The following CREBRF variants were observed in gnomAD, a reference collection of about 807,000 sequenced individuals.
CREBRF encodes the protein CREB3 regulatory factor.
A neutral mutation model predicts 66.1 loss-of-function variants in CREBRF; 5 were observed. That is an observed-to-expected ratio of 0.08 (90% CI 0.04 to 0.16). The LOEUF is 0.16. CREBRF is among the 10% of genes least tolerant of loss of function. The pLI, the probability that CREBRF is intolerant of heterozygous loss-of-function variation, is 1.00. For missense variants in CREBRF, 531 were observed against 744.9 expected (o/e 0.71, Z 3.34); for synonymous variants, 229 against 264.4 (o/e 0.87, Z 1.30).
intron 2 of CREBRF, among the ~76,000 whole-genome samples, chr5:173,081,926 C>T (rs192907798): frequency 1.3e-5 from 2 of 151,494 alleles, no homozygotes; most frequent in African/African-American, 4.8e-5. Flanking sequence ...AAAAGAACAG[C>T]TGCCTACCGC....
intron 1 of CREBRF, among the ~76,000 whole-genome samples, chr5:173,077,879 G>A (rs775289682): frequency 1.8e-4 from 27 of 152,044 alleles, no homozygotes; most frequent in Non-Finnish European, 3.4e-4. Flanking sequence ...GTTCATTCTT[G>A]TTGTAGTGTG....
intron 4 of CREBRF, among the ~76,000 whole-genome samples, chr5:173,095,275 G>A (rs1455027529): frequency 7.3e-6 from 1 of 136,818 alleles, no homozygotes; most frequent in African/African-American, 2.7e-5. Flanking sequence ...TGCAAGCTCC[G>A]CCTCCCAGGT....
intron 4 of CREBRF, among the ~76,000 whole-genome samples, chr5:173,098,089 A>G (rs954030149): frequency 6.6e-5 from 10 of 151,322 alleles, no homozygotes; most frequent in Admixed American, 1.3e-4. Flanking sequence ...TGTTTGTCTC[A>G]ACATATTTTT....
At chr5:173,118,092 T>C (rs1367095816) in intron 7 of CREBRF, among the ~76,000 whole-genome samples, 1 of 152,198 alleles carries the variant, frequency 6.6e-6, no homozygotes, top group Admixed American at 6.5e-5. Context: ...GCCAGGATGG[T>C]CTCGATCTCC....
At chr5:173,117,194 C>CA (rs1204750197) in intron 7 of CREBRF, among the ~76,000 whole-genome samples, 1 of 151,976 alleles carries the variant, frequency 6.6e-6, no homozygotes, top group East Asian at 1.9e-4. Context: ...GCCTGGCCAA[C>CA]ATAGTGAAAT....
chr5:173,133,122 C>T (rs1042371039), intron 8 of CREBRF, among the ~76,000 whole-genome samples: 8 of 152,122 alleles, frequency 5.3e-5, no homozygotes, highest in Non-Finnish European at 7.4e-5. Context: ...ATTTCTTATT[C>T]GTTCATTCAC....
intron 1 of CREBRF, among the ~76,000 whole-genome samples, chr5:173,080,029 A>G (rs1477490663): frequency 3.3e-5 from 5 of 152,218 alleles, no homozygotes; most frequent in African/African-American, 1.2e-4. Flanking sequence ...TCTTTCTTCA[A>G]TGAGAGCTTA....
At chr5:173,082,003 G>GT (rs869148787) in intron 2 of CREBRF, among the ~76,000 whole-genome samples, 2,494 of 78,068 alleles carry the variant, frequency 0.032, 416 homozygotes, top group Middle Eastern at 0.053. Flanking sequence ...TCAAGGTTTA[G>GT]TTTTTTTTTT....
chr5:173,091,484 G>T (rs1758339900), intron 4 of CREBRF, 83 bp downstream of exon 4: 5 of 1,521,490 alleles, frequency 3.3e-6, no homozygotes, highest in South Asian at 1.3e-5. Flanking sequence ...TGTTTTGTTT[G>T]GATAATTTCT....
chr5:173,120,363 T>C (rs10476060), intron 7 of CREBRF, among the ~76,000 whole-genome samples: 9,477 of 151,666 alleles, frequency 0.062, 361 homozygotes, highest in Middle Eastern at 0.17. Context: ...CTTGTATGGA[T>C]TTTCTTTTTC....
In CREBRF at chr5:173,083,381, A is replaced by G. The variant is rs184356741; in HGVS notation, c.9+2597A>G. 6.6e-5 allele frequency among the ~76,000 whole-genome samples: 10 copies of G among 152,338 alleles called. No individual in the cohort carries two copies. The East Asian group carries it at 1.9e-3, about 29-fold the overall frequency. The stretch of plus-strand genomic sequence containing the variant: ...AGATGTTAAAATGTAAAAAGAAGAT[A>G]GAGAAAAAACAAGAAGGAGAATTAA... On this transcript the variant is annotated intron_variant, in intron 2 of 8. Coordinates refer to ENST00000296953, the MANE Select transcript of CREBRF (RefSeq NM_153607.3).
intron 4 of CREBRF, chr5:173,092,380 GAAAA>G: frequency 1.0e-6 from 1 of 985,382 alleles, no homozygotes; most frequent in Non-Finnish European, 1.2e-6. Flanking sequence ...AAGGGACAAA[GAAAA>G]TGAAATCTCT....
chr5:173,075,340 C>T (rs551837975), intron 1 of CREBRF, among the ~76,000 whole-genome samples: 11 of 152,194 alleles, frequency 7.2e-5, no homozygotes, highest in Non-Finnish European at 1.3e-4. Context: ...AAAGGGAGAA[C>T]TTGAGCCCCA....
At chr5:173,102,637 C>T (rs1390332221) in intron 4 of CREBRF, among the ~76,000 whole-genome samples, 2 of 152,076 alleles carry the variant, frequency 1.3e-5, no homozygotes, top group Non-Finnish European at 2.9e-5. Context: ...TCTGAATCCA[C>T]GAGAACTTAC....
In CREBRF at chr5:173,133,723, G is replaced by T. The variant is rs1259376252; in HGVS notation, c.1898G>T (p.Arg633Met). 1.2e-6 allele frequency: 2 copies of T among 1,601,408 alleles called. No homozygotes were observed. Among genetic ancestry groups the T allele is most frequent in the Admixed American group, 3.3e-5 (2 of 59,704 alleles). ...CCCACTGGAGGCCTTGTAGGATTAAGGATACCAACATCAAAGGTGTAATCA... is the reference window on the plus strand; with the variant it reads ...CCCACTGGAGGCCTTGTAGGATTAATGATACCAACATCAAAGGTGTAATCA... ...GNPTGGLVGL[R>M]IPTSKV The change falls in exon 9 of 9, where the codon AGG becomes ATG. Residue 633 changes from arginine (R) to methionine (M), a missense_variant. Transcript: ENST00000296953.
intron 1 of CREBRF, among the ~76,000 whole-genome samples, chr5:173,062,639 T>A (rs1242572209): frequency 6.6e-6 from 1 of 152,200 alleles, no homozygotes; most frequent in Non-Finnish European, 1.5e-5. Context: ...TCTTTGGATT[T>A]GTCCTATTTG....
At position 173,056,456 on chromosome 5, in the gene CREBRF, C is replaced by A. The variant is rs1416340465; in HGVS notation, c.-215C>A. Reference sequence around the variant, plus strand: ...CCCTGCAGCGGAACCGGACCCAGTCCCTGAGCCGCCCCTACACCCACAGGT... The same window carrying A: ...CCCTGCAGCGGAACCGGACCCAGTCACTGAGCCGCCCCTACACCCACAGGT... On this transcript the variant is annotated 5_prime_UTR_variant, in exon 1 of 9. Transcript: ENST00000296953. 6 of 398,376 alleles carry A rather than the reference C, an allele frequency of 1.5e-5. No individual in the cohort carries two copies. Among genetic ancestry groups the A allele is most frequent in the Non-Finnish European group, 2.7e-5 (6 of 225,996 alleles). 24.7% of individuals were successfully genotyped at this position (398,376 alleles called of 1,614,324 possible).
At chr5:173,066,293 G>A (rs1757435500) in intron 1 of CREBRF, among the ~76,000 whole-genome samples, 1 of 152,058 alleles carries the variant, frequency 6.6e-6, no homozygotes, top group Non-Finnish European at 1.5e-5. Context: ...ATTTTCCTTT[G>A]TATTCAAAGA....
chr5:173,064,500 CAGCCTCCTG>C (rs1358244757), intron 1 of CREBRF, among the ~76,000 whole-genome samples: 1 of 151,932 alleles, frequency 6.6e-6, no homozygotes, highest in African/African-American at 2.4e-5. Context: ...CCTCCTGCCT[CAGCCTCCTG>C]AGCCTCCTGA....
Sources: gnomAD v4.1 joint callset for allele counts (sites outside exome capture counted in the v4.1 genomes callset) on GRCh38, gnomAD v4.1.1 for gene constraint, MANE v1.5 for transcripts, NCBI Gene and HGNC (gene_info 2026-07-23, HGNC 2026-07-21) for gene names.